Variants in SCML4 observed in about 807,000 individuals in gnomAD.
The protein encoded by SCML4 is Scm polycomb group protein like 4.
A neutral mutation model predicts 41.1 loss-of-function variants in SCML4; 34 were observed. That is an observed-to-expected ratio of 0.83 (90% CI 0.63 to 1.10). The LOEUF (loss-of-function observed/expected upper bound fraction) is 1.10. SCML4 is among the 50% of genes least tolerant of loss of function. The pLI is 0.00. For missense variants in SCML4, 522 were observed against 534.1 expected (o/e 0.98, Z 0.22); for synonymous variants, 214 against 220.9 (o/e 0.97, Z 0.28).
In SCML4 at chr6:107,762,229, C is replaced by T. The variant is rs200935280; in HGVS notation, c.156+9943G>A. On this transcript the variant is annotated intron_variant, in intron 2 of 7. Transcript: ENST00000369020. ...GTAATTTTTAGAGTAGCCATTAATA[C>T]AACAGAAAACAGAACGCTTGACTTC... is the stretch of plus-strand genomic sequence containing the variant. 1.5e-4 allele frequency among the ~76,000 whole-genome samples: 23 copies of T among 151,802 alleles called. No individual in the cohort carries two copies. In the East Asian group the frequency reaches 4.5e-3, roughly 29 times the overall value.
intron 5 of SCML4, among the ~76,000 whole-genome samples, chr6:107,744,310 C>T (rs1262822039): frequency 6.6e-6 from 1 of 152,160 alleles, no homozygotes; most frequent in African/African-American, 2.4e-5. Context: ...CTACCCTCCC[C>T]AAGGGCCACT....
intron 6 of SCML4, among the ~76,000 whole-genome samples, chr6:107,711,651 G>A (rs1190231302): frequency 6.6e-6 from 1 of 152,150 alleles, no homozygotes; most frequent in African/African-American, 2.4e-5. Context: ...AATATACTCT[G>A]CAGACACAGT....
At chr6:107,803,426 G>T (rs142096845) in intron 1 of SCML4, among the ~76,000 whole-genome samples, 59,128 of 142,838 alleles carry the variant, frequency 0.41, 12,770 homozygotes, top group East Asian at 0.65. Flanking sequence ...GGAGGGAGGT[G>T]GGGGGGTCAG....
chr6:107,832,412 T>C, the SCML4 span, among the ~76,000 whole-genome samples: 2 of 151,956 alleles, frequency 1.3e-5, no homozygotes, highest in African/African-American at 4.8e-5. Flanking sequence ...GCCACATGCT[T>C]CCCCCTTTCC....
chr6:107,737,335 A>ATTTG (rs1242705509), intron 5 of SCML4, among the ~76,000 whole-genome samples: 1 of 152,018 alleles, frequency 6.6e-6, no homozygotes, highest in Non-Finnish European at 1.5e-5. Flanking sequence ...ATGGGGAGAA[A>ATTTG]TTTGTTTGTT....
intron 2 of SCML4, chr6:107,755,610 A>G: frequency 7.4e-7 from 1 of 1,348,148 alleles, no homozygotes; most frequent in South Asian, 1.2e-5. Context: ...GCCTGTCGCA[A>G]CCTATCCAAG....
At chr6:107,748,555 T>C (rs1778338222) in intron 3 of SCML4, among the ~76,000 whole-genome samples, 1 of 152,212 alleles carries the variant, frequency 6.6e-6, no homozygotes, top group African/African-American at 2.4e-5. Flanking sequence ...TTGGATCAAG[T>C]CTTTTGGAAG....
chr6:107,735,275 C>T (rs1204790652), intron 5 of SCML4, among the ~76,000 whole-genome samples: 4 of 152,174 alleles, frequency 2.6e-5, no homozygotes, highest in African/African-American at 4.8e-5. Flanking sequence ...TTCCAATGCT[C>T]AGCTTGAGAA....
chr6:107,759,556 A>C (rs1029980707), intron 2 of SCML4, among the ~76,000 whole-genome samples: 1 of 152,182 alleles, frequency 6.6e-6, no homozygotes, highest in Admixed American at 6.5e-5. Context: ...GGTGAGAGAA[A>C]GCACAAAATC....
chr6:107,771,426 T>G (rs1780510279), intron 2 of SCML4, among the ~76,000 whole-genome samples: 1 of 152,176 alleles, frequency 6.6e-6, no homozygotes, highest in South Asian at 2.1e-4. Context: ...AAGTGTAACA[T>G]TTTTTTCCTC....
chr6:107,797,983 C>T (rs887039207), intron 1 of SCML4, among the ~76,000 whole-genome samples: 1 of 151,968 alleles, frequency 6.6e-6, no homozygotes, highest in Non-Finnish European at 1.5e-5. Flanking sequence ...TAGACTATGA[C>T]ATACTATCCA....
rs372302614 is a variant in SCML4, at chr6:107,746,803, C to T, written c.373G>A (p.Glu125Lys). 5 of 1,614,098 alleles carry T rather than the reference C, an allele frequency of 3.1e-6. No homozygotes were observed. The highest frequency in any genetic ancestry group is 2.2e-5 in the East Asian group (1 of 44,878). Residue 125 changes from glutamate (E) to lysine (K), a missense_variant, in exon 4 of 8, where the codon GAG becomes AAG. By Grantham distance (56) the Glu-to-Lys change is moderately conservative. Coordinates refer to ENST00000369020, the MANE Select transcript of SCML4 (RefSeq NM_198081.5). ...TGCTGCAGCACCGCCGATGGCCGCT[C>T]GGGCCCAAAATGCTCCGGGAGCTGC... The part of the protein sequence containing the change: ...VQQLPEHFGP[E>K]RPSAVLQQAV...
chr6:107,706,378 C>T (rs925211851), intron 7 of SCML4, among the ~76,000 whole-genome samples: 1 of 152,126 alleles, frequency 6.6e-6, no homozygotes. Flanking sequence ...GTCTTAAGTC[C>T]CCATTGTTAG....
intron 2 of SCML4, among the ~76,000 whole-genome samples, chr6:107,761,446 T>G (rs1779585096): frequency 2.0e-5 from 3 of 152,140 alleles, no homozygotes; most frequent in Middle Eastern, 3.4e-3. Flanking sequence ...TCTTTGGTTT[T>G]TTTTTTTTTA....
the SCML4 span, among the ~76,000 whole-genome samples, chr6:107,842,048 T>C: frequency 2.0e-5 from 3 of 152,218 alleles, no homozygotes; most frequent in Non-Finnish European, 4.4e-5. Context: ...TTTTCTAATA[T>C]AAGCATTTAA....
upstream of SCML4, among the ~76,000 whole-genome samples, chr6:107,828,903 G>A (rs954947570): frequency 1.3e-5 from 2 of 152,110 alleles, no homozygotes; most frequent in Non-Finnish European, 2.9e-5. Context: ...AGACAAAACC[G>A]TTCTGTGTAG....
At chr6:107,764,425 G>A (rs1001413588) in intron 2 of SCML4, among the ~76,000 whole-genome samples, 1 of 152,216 alleles carries the variant, frequency 6.6e-6, no homozygotes, top group Admixed American at 6.5e-5. Flanking sequence ...GGAGGTGGGA[G>A]TGGAATGGCC....
intron 7 of SCML4, among the ~76,000 whole-genome samples, chr6:107,707,361 T>C (rs1006740817): frequency 9.9e-6 from 1 of 101,424 alleles, no homozygotes; most frequent in African/African-American, 3.5e-5. Context: ...AGGTAAATTA[T>C]TGATTCTTAT....
chr6:107,759,391 T>C (rs1211665015), intron 2 of SCML4, among the ~76,000 whole-genome samples: 1 of 148,824 alleles, frequency 6.7e-6, no homozygotes, highest in Non-Finnish European at 1.5e-5. Context: ...GCAGAATGGA[T>C]GGGGAAGTGG....
Sources: allele counts gnomAD v4.1 joint callset (sites outside exome capture counted in the v4.1 genomes callset), GRCh38; gene constraint gnomAD v4.1.1; transcripts MANE v1.5; gene names NCBI Gene and HGNC (gene_info 2026-07-23, HGNC 2026-07-21).